CIT: variants seen among roughly 807,000 people sequenced by gnomAD.
CIT encodes the protein citron rho-interacting serine/threonine kinase.
In CIT, 79 loss-of-function variants were observed where a neutral mutation model predicts 272.7. That is an observed-to-expected ratio of 0.29 (90% CI 0.24 to 0.35). The LOEUF (loss-of-function observed/expected upper bound fraction) is 0.35. CIT is among the 10% of genes least tolerant of loss of function. The pLI is 1.00. For missense variants in CIT, 1,909 were observed against 2,618.3 expected, an observed-to-expected ratio of 0.73 and a Z score of 5.91; for synonymous variants, 948 against 995.6, an observed-to-expected ratio of 0.95 and a Z score of 0.90.
intron 5 of CIT, among the ~76,000 whole-genome samples, chr12:119,842,376 G>A (rs1475573900): frequency 1.7e-5 from 2 of 119,244 alleles, no homozygotes; most frequent in African/African-American, 3.2e-5. Flanking sequence ...GTGACAGAGC[G>A]AGACTGCATC....
intron 39 of CIT, among the ~76,000 whole-genome samples, chr12:119,709,779 AGAGAGAGAGTGTGTGTGT>A (rs1261969275): frequency 1.7e-5 from 1 of 60,266 alleles, no homozygotes; most frequent in Non-Finnish European, 3.4e-5. Flanking sequence ...AGAGAGAGAG[AGAGAGAGAGTGTGTGTGT>A]GTGTGTGTGT....
intron 2 of CIT, among the ~76,000 whole-genome samples, chr12:119,874,049 A>ATT (rs1009323453): frequency 6.6e-6 from 1 of 151,638 alleles, no homozygotes; most frequent in African/African-American, 2.4e-5. Context: ...CCTCTATGTT[A>ATT]TTTTTTTTGT....
chr12:119,765,088 G>A lies in CIT; in HGVS notation c.2304+1999C>T, dbSNP rs530852660. 1.1e-4 allele frequency among the ~76,000 whole-genome samples: 17 copies of A among 152,186 alleles called. No individual in the cohort carries two copies. The East Asian group carries it at 2.7e-3, about 24-fold the overall frequency. ...CCACCCAAGTGCTGGGATTACAGGC[G>A]TGAACCACCGCACCCAGCCCCAATC... On this transcript the variant is annotated intron_variant, in intron 19 of 47. Transcript: ENST00000392521.
intron 9 of CIT, among the ~76,000 whole-genome samples, chr12:119,809,374 A>G (rs1037109175): frequency 5.3e-5 from 8 of 152,224 alleles, no homozygotes; most frequent in African/African-American, 1.9e-4. Context: ...GATCTACACT[A>G]AGGAAATGAT....
intron 9 of CIT, among the ~76,000 whole-genome samples, chr12:119,817,295 A>G (rs1188830780): frequency 6.6e-6 from 1 of 151,864 alleles, no homozygotes; most frequent in Non-Finnish European, 1.5e-5. Context: ...GTGGATCACG[A>G]GGTCAGGAGA....
At chr12:119,720,395 G>T in intron 30 of CIT, 83 bp downstream of exon 30, 1 of 898,878 alleles carries the variant, frequency 1.1e-6, no homozygotes, top group South Asian at 1.6e-5. Context: ...ATGTTCCTAT[G>T]ATCATATATC....
Position 119,687,823 on chromosome 12 carries a change from CAA to C in CIT, c.*407_*408del, listed in dbSNP as rs1302029236. On this transcript the variant is annotated 3_prime_UTR_variant, in exon 48 of 48. Transcript: ENST00000392521. ...AAAAAAAAAAAAAAAAGGAAAGAAA[CAA>C]AGAGAAAAAAAAAAGAAAAACCAAC... 9 of 142,730 alleles carry C rather than the reference CAA, an allele frequency of 6.3e-5. No homozygotes were observed. Among genetic ancestry groups the C allele is most frequent in the South Asian group, 4.8e-4 (2 of 4,146 alleles). 8.8% of individuals were successfully genotyped at this position (142,730 alleles called of 1,614,324 possible).
intron 2 of CIT, among the ~76,000 whole-genome samples, chr12:119,874,265 T>G (rs1201402779): frequency 1.3e-5 from 2 of 151,860 alleles, no homozygotes; most frequent in East Asian, 3.9e-4. Context: ...AGAGACAGGG[T>G]TTCACCACGT....
At position 119,761,032 on chromosome 12, in the gene CIT, T is replaced by C. The variant is rs777964946; in HGVS notation, c.2328A>G (p.Lys776=). 4.3e-6 allele frequency: 7 copies of C among 1,613,858 alleles called. No homozygotes were observed. The highest frequency in any genetic ancestry group is 8.5e-7 in the Non-Finnish European group (1 of 1,179,810). ...KIKVLDNQIK[K]DLADKETLEN... ...CCAGTGTCTCCTTGTCAGCCAGGTC[T>C]TTCTTTATCTGATTGTCCAACACCT... Residue 776 remains lysine, a synonymous_variant, in exon 20 of 48, where the codon AAA becomes AAG. Coordinates refer to ENST00000392521, the MANE Select transcript of CIT (RefSeq NM_001206999.2).
chr12:119,703,026 C>T (rs1170762068), intron 41 of CIT, among the ~76,000 whole-genome samples: 5 of 152,148 alleles, frequency 3.3e-5, no homozygotes, highest in Non-Finnish European at 7.3e-5. Flanking sequence ...CATAAAGAAG[C>T]AATGATTTCT....
intron 5 of CIT, among the ~76,000 whole-genome samples, chr12:119,848,913 G>C (rs1593945871): frequency 6.6e-6 from 1 of 152,092 alleles, no homozygotes; most frequent in Admixed American, 6.6e-5. Context: ...GGGAGGCTGA[G>C]GTGGGAGGTT....
intron 23 of CIT, among the ~76,000 whole-genome samples, chr12:119,747,040 GAATA>G (rs3999582): frequency 0.77 from 116,630 of 151,540 alleles, 45,112 homozygotes; most frequent in Middle Eastern, 0.88. Flanking sequence ...GTGCTACAGA[GAATA>G]AATATCTACA....
rs1172738261 is a variant in CIT at position 119,767,245 on chromosome 12, A to C, written c.2209-63T>G. ...GCAGGACACCGCCAATGCACGTTAG[A>C]CATTCACAGGAAACATGACTTTGGT... is the stretch of plus-strand genomic sequence containing the variant. On this transcript the variant is annotated intron_variant, in intron 18 of 47. Coordinates refer to ENST00000392521, the MANE Select transcript of CIT (RefSeq NM_001206999.2). 5 of 1,257,724 alleles carry C rather than the reference A, an allele frequency of 4.0e-6. No individual in the cohort carries two copies. The East Asian group carries it at 1.2e-4, about 30-fold the overall frequency. 77.9% of individuals were successfully genotyped at this position (1,257,724 alleles called of 1,614,324 possible).
intron 4 of CIT, among the ~76,000 whole-genome samples, chr12:119,856,343 G>A (rs936922947): frequency 2.0e-5 from 3 of 152,018 alleles, no homozygotes; most frequent in East Asian, 1.9e-4. Flanking sequence ...AATGGAGAGC[G>A]GTCATGGTTG....
rs1159058946 is a variant in CIT, at chr12:119,837,794, G to A, written c.517-3566C>T. ...GCTTGTTAAAAATAAGACAAGCCAGGCATGTTGGCTCATGCCTATCCTAGC... is the reference window on the plus strand; with the variant it reads ...GCTTGTTAAAAATAAGACAAGCCAGACATGTTGGCTCATGCCTATCCTAGC... On this transcript the variant is annotated intron_variant, in intron 5 of 47. Coordinates refer to ENST00000392521, the MANE Select transcript of CIT (RefSeq NM_001206999.2). Among the ~76,000 whole-genome samples the A allele has an allele frequency of 2.0e-5, 3 of 152,178 alleles. No individual in the cohort carries two copies. In the East Asian group the frequency reaches 5.8e-4, roughly 29 times the overall value.
In CIT at chr12:119,718,209, T is replaced by C. The variant is rs1410247260; in HGVS notation, c.4168+36A>G. On this transcript the variant is annotated intron_variant, in intron 32 of 47. Transcript: ENST00000392521. The surrounding 1 kb of genome is among the most constrained non-coding windows in gnomAD (Gnocchi z 4.8). Reference sequence around the variant, plus strand: ...TTTACCATATGCCCACATGTCTTAGTCGACTAAAAGAAATTTCCATACAAC... The same window carrying C: ...TTTACCATATGCCCACATGTCTTAGCCGACTAAAAGAAATTTCCATACAAC... The C allele has an allele frequency of 6.3e-7, 1 of 1,579,950 alleles. No individual in the cohort carries two copies. The highest frequency in any genetic ancestry group is 8.6e-7 in the Non-Finnish European group (1 of 1,160,444).
chr12:119,842,582 T>C (rs919046038), intron 5 of CIT, among the ~76,000 whole-genome samples: 6 of 152,072 alleles, frequency 3.9e-5, no homozygotes, highest in Admixed American at 3.9e-4. Context: ...GGACTAGCTT[T>C]GTTATATAGA....
At chr12:119,809,971 C>A (rs1966804229) in intron 9 of CIT, among the ~76,000 whole-genome samples, 1 of 152,242 alleles carries the variant, frequency 6.6e-6, no homozygotes, top group Non-Finnish European at 1.5e-5. Flanking sequence ...AGCTCGCAAC[C>A]CTTCCCCCAT....
rs1958183255 is a variant in CIT, at chr12:119,727,630, G to A, written c.3591+872C>T. Among the ~76,000 whole-genome samples, 6 of 152,220 alleles carry A rather than the reference G, an allele frequency of 3.9e-5. 1 individual carries two copies. The South Asian group carries it at 1.2e-3, about 32-fold the overall frequency. On this transcript the variant is annotated intron_variant, in intron 28 of 47. Coordinates refer to ENST00000392521, the MANE Select transcript of CIT (RefSeq NM_001206999.2). The stretch of plus-strand genomic sequence containing the variant: ...ATAAAAAAATCTTTTAAAGAAATTT[G>A]TTTACAAGTCCAGGCAGGGCACGGG...
Sources: gnomAD v4.1 joint callset for allele counts (sites outside exome capture counted in the v4.1 genomes callset) on GRCh38, gnomAD v4.1.1 for gene constraint, Gnocchi (gnomAD v3.1) non-coding constraint, MANE v1.5 for transcripts, NCBI Gene and HGNC (gene_info 2026-07-23, HGNC 2026-07-21) for gene names.